HDAC9: variants seen among roughly 807,000 people sequenced by gnomAD.
HDAC9 encodes MEF-2 interacting transcription repressor (MITR) protein.
Under a neutral mutation model 139.4 loss-of-function variants are expected in HDAC9, and 41 were observed. The ratio of observed to expected loss-of-function variants is 0.29; its 90% confidence interval spans 0.23 to 0.38. The LOEUF is 0.38. Among genes scored for constraint, HDAC9 ranks in the 10% least tolerant of loss-of-function variants. The probability of loss-of-function intolerance (pLI) is 1.00; values close to 1 mark genes in which losing one functional copy is unlikely to be tolerated. For synonymous variants in HDAC9, 517 were observed against 476.2 expected (o/e 1.09, Z -1.12); for missense variants, 1,147 against 1,297.0 (o/e 0.88, Z 1.78).
At chr7:18,804,532 T>C (rs1793551754) in intron 17 of HDAC9, among the ~76,000 whole-genome samples, 1 of 152,234 alleles carries the variant, frequency 6.6e-6, no homozygotes, top group Non-Finnish European at 1.5e-5. Context: ...CATATACATT[T>C]TGCCACACAT....
intron 24 of HDAC9, among the ~76,000 whole-genome samples, chr7:18,966,377 T>C (rs1007527218): frequency 6.6e-6 from 1 of 152,228 alleles, no homozygotes; most frequent in Non-Finnish European, 1.5e-5. Flanking sequence ...CTGTAGCTTG[T>C]GACGTGCATG....
At chr7:18,715,045 A>G (rs1231049714) in intron 12 of HDAC9, among the ~76,000 whole-genome samples, 5 of 152,184 alleles carry the variant, frequency 3.3e-5, no homozygotes, top group Non-Finnish European at 7.4e-5. Context: ...AAACCAAAGT[A>G]TTTTTAGATA....
chr7:18,260,920 C>G (rs1414313165), intron 2 of HDAC9, among the ~76,000 whole-genome samples: 1 of 152,102 alleles, frequency 6.6e-6, no homozygotes, highest in African/African-American at 2.4e-5. Flanking sequence ...GAGAAGGTAA[C>G]AGTCGGTATG....
At chr7:18,196,912 C>T (rs945722457) in intron 2 of HDAC9, among the ~76,000 whole-genome samples, 1 of 152,100 alleles carries the variant, frequency 6.6e-6, no homozygotes, top group African/African-American at 2.4e-5. Context: ...TGCCCAGATA[C>T]TTGGTCAAAC....
At chr7:18,829,084 T>C in intron 17 of HDAC9, 77 bp from the exon 18 acceptor site, 2 of 989,890 alleles carry the variant, frequency 2.0e-6, no homozygotes, top group South Asian at 2.5e-5. Context: ...GGCACTGTTG[T>C]GCCTGGAGAT....
intron 1 of HDAC9, among the ~76,000 whole-genome samples, chr7:18,454,042 T>G (rs1195938380): frequency 6.6e-6 from 1 of 152,174 alleles, no homozygotes; most frequent in Non-Finnish European, 1.5e-5. Flanking sequence ...AGACATATTA[T>G]TCCAAAGTAT....
intron 2 of HDAC9, among the ~76,000 whole-genome samples, chr7:18,547,418 G>T (rs563763836): frequency 5.9e-5 from 9 of 152,256 alleles, no homozygotes; most frequent in South Asian, 4.1e-4. Flanking sequence ...TGTATTTTTA[G>T]TGGAGACGGG....
chr7:18,655,039 C>A (rs183360445), intron 11 of HDAC9, among the ~76,000 whole-genome samples: 14 of 152,252 alleles, frequency 9.2e-5, no homozygotes, highest in Admixed American at 7.9e-4. Context: ...TCTGGGCAAG[C>A]CTGAAGCTGG....
At chr7:18,149,479 C>A (rs1479119952) in intron 1 of HDAC9, among the ~76,000 whole-genome samples, 4 of 150,008 alleles carry the variant, frequency 2.7e-5, no homozygotes, top group African/African-American at 7.3e-5. Context: ...CCTCTGCCTC[C>A]TGAGTAACTG....
intron 2 of HDAC9, among the ~76,000 whole-genome samples, chr7:18,174,973 C>G (rs1788764776): frequency 6.6e-6 from 1 of 152,192 alleles, no homozygotes; most frequent in African/African-American, 2.4e-5. Context: ...GCTGGGAGAA[C>G]TACTGCTCTC....
At chr7:18,165,596 G>A (rs1337188777) in intron 2 of HDAC9, among the ~76,000 whole-genome samples, 1 of 151,964 alleles carries the variant, frequency 6.6e-6, no homozygotes, top group Non-Finnish European at 1.5e-5. Flanking sequence ...AGACTAGCCT[G>A]GGCAATATGG....
intron 2 of HDAC9, among the ~76,000 whole-genome samples, chr7:18,578,506 A>C (rs369627243): frequency 2.4e-4 from 36 of 152,314 alleles, no homozygotes; most frequent in African/African-American, 7.5e-4. Context: ...CCAGTCCCTC[A>C]TCATCATATT....
intron 2 of HDAC9, chr7:18,162,711 A>T (rs1050627253): frequency 5.3e-6 from 1 of 187,744 alleles, no homozygotes. Flanking sequence ...CTTTTAAATT[A>T]TACTGTGGGG....
chr7:18,867,821 C>A (rs931086752), intron 21 of HDAC9, among the ~76,000 whole-genome samples: 1 of 152,122 alleles, frequency 6.6e-6, no homozygotes, highest in Non-Finnish European at 1.5e-5. Context: ...TCTGCAATGA[C>A]CCTCTGTGTC....
chr7:18,846,213 T>A (rs1471887026), intron 21 of HDAC9, among the ~76,000 whole-genome samples: 1 of 152,174 alleles, frequency 6.6e-6, no homozygotes, highest in Non-Finnish European at 1.5e-5. Context: ...TGAAGCAGTA[T>A]CACCATATCA....
chr7:18,562,635 T>A (rs1490361929), intron 2 of HDAC9, among the ~76,000 whole-genome samples: 1 of 152,152 alleles, frequency 6.6e-6, no homozygotes, highest in East Asian at 1.9e-4. Flanking sequence ...TGCCAGTACT[T>A]CTTTGTTGTA....
intron 7 of HDAC9, among the ~76,000 whole-genome samples, chr7:18,631,365 C>T (rs1027192587): frequency 2.6e-5 from 4 of 151,958 alleles, no homozygotes; most frequent in South Asian, 4.1e-4. Context: ...ACTGGTATAC[C>T]GCACTTACTC....
intron 22 of HDAC9, among the ~76,000 whole-genome samples, chr7:18,930,216 T>A (rs907960111): frequency 4.6e-5 from 7 of 152,030 alleles, no homozygotes; most frequent in African/African-American, 1.7e-4. Context: ...CAAGGTACCA[T>A]GGTATAGGAA....
chr7:18,954,117 G>T lies in HDAC9; in HGVS notation c.2938-29G>T, dbSNP rs146936719. On this transcript the variant is annotated intron_variant, in intron 23 of 25. Coordinates refer to ENST00000686413, the MANE Select transcript of HDAC9 (RefSeq NM_178425.4). Reference sequence around the variant, plus strand: ...ACTTACTATAAAGTCATAATATTCTGCTCATACTATTATCTACTATTCTTG... The same window carrying T: ...ACTTACTATAAAGTCATAATATTCTTCTCATACTATTATCTACTATTCTTG... 10 of 1,462,200 alleles carry T rather than the reference G, an allele frequency of 6.8e-6. No individual in the cohort carries two copies. In the African/African-American group the frequency reaches 1.1e-4, roughly 16 times the overall value. The allele number at this position is 1,462,200 out of a possible 1,614,324, so 90.6% of individuals were successfully genotyped here. A position where few individuals can be genotyped will look rare whatever the true frequency, so the allele number is the denominator to read the frequency against.
Sources: allele counts gnomAD v4.1 joint callset (sites outside exome capture counted in the v4.1 genomes callset), GRCh38; gene constraint gnomAD v4.1.1; transcripts MANE v1.5; gene names NCBI Gene and HGNC (gene_info 2026-07-23, HGNC 2026-07-21).